Variants in TTC27 observed in about 807,000 individuals in gnomAD.
TTC27 encodes tetratricopeptide repeat domain 27.
Under a neutral mutation model 115.9 loss-of-function variants are expected in TTC27, and 79 were observed. The ratio of observed to expected loss-of-function variants is 0.68; its 90% confidence interval spans 0.57 to 0.82. The LOEUF is 0.82. Among genes scored for constraint, TTC27 ranks in the 40% least tolerant of loss-of-function variants. The pLI, the probability that TTC27 is intolerant of heterozygous loss-of-function variation, is 0.00. For missense variants in TTC27, 1,054 were observed against 993.1 expected (o/e 1.06, Z -0.82); for synonymous variants, 401 against 356.0 (o/e 1.13, Z -1.42).
At chr2:32,656,753 T>C (rs563807091) in intron 5 of TTC27, among the ~76,000 whole-genome samples, 2 of 152,200 alleles carry the variant, frequency 1.3e-5, no homozygotes, top group Non-Finnish European at 2.9e-5. Context: ...ATTCTACCCA[T>C]CTTTTAAGGC....
chr2:32,670,860 C>T (rs1665989373), intron 7 of TTC27, among the ~76,000 whole-genome samples: 1 of 149,636 alleles, frequency 6.7e-6, no homozygotes, highest in South Asian at 2.1e-4. Context: ...CTCAAGTGAT[C>T]CACCCACCTT....
intron 11 of TTC27, 99 bp from the exon 12 acceptor site, chr2:32,736,595 A>G: frequency 7.7e-7 from 1 of 1,298,712 alleles, no homozygotes; most frequent in Non-Finnish European, 1.1e-6. Flanking sequence ...TATTACAATA[A>G]GCAGACCCCT....
At chr2:32,748,741 G>A (rs1668911755) in intron 12 of TTC27, among the ~76,000 whole-genome samples, 1 of 147,930 alleles carries the variant, frequency 6.8e-6, no homozygotes, top group Non-Finnish European at 1.5e-5. Context: ...AGGCTGGAGT[G>A]CAGTGGCGTG....
intron 18 of TTC27, among the ~76,000 whole-genome samples, chr2:32,817,178 C>G (rs1180595066): frequency 6.6e-6 from 1 of 151,390 alleles, no homozygotes; most frequent in Admixed American, 6.6e-5. Flanking sequence ...AGGAGACTAG[C>G]TTGAGGCCAG....
In TTC27 at chr2:32,729,680, C is replaced by T. The variant is rs139863568; in HGVS notation, c.1234-4148C>T. Among the ~76,000 whole-genome samples, 71 of 152,100 alleles carry T rather than the reference C, an allele frequency of 4.7e-4. No homozygotes were observed. In the East Asian group the frequency reaches 6.4e-3, roughly 14 times the overall value. On this transcript the variant is annotated intron_variant, in intron 10 of 19. Coordinates refer to ENST00000317907, the MANE Select transcript of TTC27 (RefSeq NM_017735.5). ...GTATATCCAGCCCCTACTTCTGGAC[C>T]GCGCCCCAGGGGCCTCCTCTCTCTC...
intron 10 of TTC27, among the ~76,000 whole-genome samples, chr2:32,704,492 A>G (rs1209650128): frequency 6.6e-6 from 1 of 152,064 alleles, no homozygotes; most frequent in Non-Finnish European, 1.5e-5. Flanking sequence ...CCGGCCAAAA[A>G]TTTATTTTTA....
At chr2:32,808,456 C>G (rs937504457) in intron 16 of TTC27, among the ~76,000 whole-genome samples, 18 of 152,158 alleles carry the variant, frequency 1.2e-4, no homozygotes, top group Admixed American at 2.6e-4. Context: ...TGCCTCCCTC[C>G]TCTCTCTTCT....
At chr2:32,717,661 A>G (rs1177779670) in intron 10 of TTC27, among the ~76,000 whole-genome samples, 2 of 152,144 alleles carry the variant, frequency 1.3e-5, no homozygotes, top group African/African-American at 4.8e-5. Context: ...GTTTGGGTGT[A>G]TAGAATTCTA....
Position 32,675,708 on chromosome 2 carries a change from T to C in TTC27, c.1053-3148T>C, listed in dbSNP as rs1402254223. Among the ~76,000 whole-genome samples, 4 of 152,178 alleles carry C rather than the reference T, an allele frequency of 2.6e-5. No individual in the cohort carries two copies. The East Asian group carries it at 7.7e-4, about 29-fold the overall frequency. ...ATCTCTGTCTGATCCCTGTGGTCGC[T>C]AACCCCCATGAAGAGGTGACTTAGA... On this transcript the variant is annotated intron_variant, in intron 8 of 19. Coordinates refer to ENST00000317907, the MANE Select transcript of TTC27 (RefSeq NM_017735.5).
At chr2:32,815,263 G>A (rs1485389459) in intron 18 of TTC27, among the ~76,000 whole-genome samples, 1 of 91,164 alleles carries the variant, frequency 1.1e-5, no homozygotes, top group African/African-American at 5.3e-5. Flanking sequence ...TTGAGACGGA[G>A]TCTTGCTCTG....
At chr2:32,760,261 A>G (rs1669390146) in intron 13 of TTC27, among the ~76,000 whole-genome samples, 1 of 152,260 alleles carries the variant, frequency 6.6e-6, no homozygotes, top group South Asian at 2.1e-4. Flanking sequence ...GAATATCAGC[A>G]GAAACTAATG....
chr2:32,699,261 C>G (rs565151981), intron 9 of TTC27, among the ~76,000 whole-genome samples: 1 of 152,320 alleles, frequency 6.6e-6, no homozygotes, highest in East Asian at 1.9e-4. Flanking sequence ...GTTGAGAAGG[C>G]TCCCTCACAA....
intron 8 of TTC27, 122 bp downstream of exon 8, chr2:32,672,506 A>C (rs1666048736): frequency 4.5e-6 from 3 of 666,438 alleles, no homozygotes; most frequent in Non-Finnish European, 5.2e-6. Flanking sequence ...TGTAGTGCTT[A>C]TGAAGATCAG....
chr2:32,802,137 A>G (rs1670969019), intron 16 of TTC27, among the ~76,000 whole-genome samples: 2 of 152,142 alleles, frequency 1.3e-5, no homozygotes, highest in Non-Finnish European at 2.9e-5. Flanking sequence ...AACAGAGATT[A>G]AAGAATTATC....
intron 10 of TTC27, among the ~76,000 whole-genome samples, chr2:32,726,631 G>A (rs1668116353): frequency 6.6e-6 from 1 of 152,146 alleles, no homozygotes; most frequent in South Asian, 2.1e-4. Flanking sequence ...ACATTTTCCT[G>A]TCTTCTTCTA....
chr2:32,686,799 T>A (rs182404749), intron 9 of TTC27, among the ~76,000 whole-genome samples: 1 of 152,272 alleles, frequency 6.6e-6, no homozygotes, highest in East Asian at 1.9e-4. Context: ...GGAGATGACT[T>A]TTTTGCTTGG....
rs1559211219 is a variant in TTC27, at chr2:32,698,459, T to TTATTATTATTATTATTA, written c.1120-4347_1120-4346insATTATTATTATTATTAT. Among the ~76,000 whole-genome samples, 17 of 97,030 alleles carry TTATTATTATTATTATTA rather than the reference T, an allele frequency of 1.8e-4. No individual in the cohort carries two copies. In the East Asian group the frequency reaches 2.0e-3, roughly 11 times the overall value. The allele number at this position is 97,030 out of a possible 152,430, so 63.7% of individuals were successfully genotyped here. On this transcript the variant is annotated intron_variant, in intron 9 of 19. Coordinates refer to ENST00000317907, the MANE Select transcript of TTC27 (RefSeq NM_017735.5). ...AGTTATTATTATTATTATTATTATT[T>TTATTATTATTATTATTA]TTTAGCATTTGGAACATGTTGTCTT... is the stretch of plus-strand genomic sequence containing the variant.
intron 15 of TTC27, among the ~76,000 whole-genome samples, chr2:32,785,437 C>G (rs112782908): frequency 0.019 from 2,928 of 152,236 alleles, 59 homozygotes; most frequent in Middle Eastern, 0.041. Context: ...GAATCTCTAT[C>G]AGATGTATGT....
chr2:32,655,000 TTTTTTTGAGACAGAG>T (rs1490554504), intron 5 of TTC27, among the ~76,000 whole-genome samples: 1 of 151,076 alleles, frequency 6.6e-6, no homozygotes, highest in Admixed American at 6.6e-5. Flanking sequence ...CTGGCCTTTT[TTTTTTTGAGACAGAG>T]TTTCACTCTG....
Sources: gnomAD v4.1 joint callset for allele counts (sites outside exome capture counted in the v4.1 genomes callset) on GRCh38, gnomAD v4.1.1 for gene constraint, MANE v1.5 for transcripts, NCBI Gene and HGNC (gene_info 2026-07-23, HGNC 2026-07-21) for gene names.